FAM53A: variants seen among roughly 807,000 people sequenced by gnomAD.
FAM53A encodes protein FAM53A.
FAM53A carries 28 observed loss-of-function variants against 26.6 expected under a neutral mutation model. The observed-to-expected ratio is 1.05, with a 90% CI of 0.78 to 1.45. FAM53A has a LOEUF of 1.45. FAM53A is among the 40% of genes most tolerant of loss of function. FAM53A has a pLI of 0.00. For synonymous variants in FAM53A, 290 were observed against 253.1 expected (o/e 1.15, Z -1.38); for missense variants, 650 against 575.8 (o/e 1.13, Z -1.32).
At position 1,655,555 on chromosome 4, in the gene FAM53A, G is replaced by A. The variant is rs751285651; in HGVS notation, c.305C>T (p.Thr102Ile). Residue 102 changes from threonine (T) to isoleucine (I), a missense_variant, in exon 4 of 5, where the codon ACC becomes ATC. Physicochemically the swap from Thr to Ile is moderately conservative, Grantham distance 89 (BLOSUM62 -1). Coordinates refer to ENST00000308132, the MANE Select transcript of FAM53A (RefSeq NM_001174070.3). ...GCCTGTGCTTTCACTGGGGTCCACG[G>A]TGCTGGCTGCACCCAGGCCTGCGCC... ...RPGAGLGAAS[T>I]VDPSESTGSS... 1.7e-5 allele frequency: 27 copies of A among 1,575,074 alleles called. No homozygotes were observed. The highest frequency in any genetic ancestry group is 2.2e-5 in the Non-Finnish European group (26 of 1,160,250).
rs1711654209 is a variant in FAM53A, at chr4:1,641,111, C to G, written c.*182G>C. On this transcript the variant is annotated 3_prime_UTR_variant, in exon 5 of 5. Coordinates refer to ENST00000308132, the MANE Select transcript of FAM53A (RefSeq NM_001174070.3). ...GTGGCCCCGACCAGCTCACAGGAAA[C>G]CTACTCTGTGCCCCAGGGCAGGTGC... The G allele has an allele frequency of 3.3e-6, 2 of 597,684 alleles. No individual in the cohort carries two copies. Among genetic ancestry groups the G allele is most frequent in the Non-Finnish European group, 5.8e-6 (2 of 346,504 alleles). The allele number at this position is 597,684 out of a possible 1,614,324, so 37.0% of individuals were successfully genotyped here.
intron 4 of FAM53A, among the ~76,000 whole-genome samples, chr4:1,649,013 T>G (rs1165199409): frequency 2.0e-5 from 3 of 152,136 alleles, no homozygotes; most frequent in African/African-American, 7.2e-5. Flanking sequence ...CTTGGGAAGC[T>G]GACGCAGGAG....
the FAM53A span, among the ~76,000 whole-genome samples, chr4:1,579,774 C>CT: frequency 2.0e-5 from 3 of 152,152 alleles, no homozygotes; most frequent in Non-Finnish European, 2.9e-5. Flanking sequence ...AGTGTCCGCG[C>CT]TGTGGGGATA....
At chr4:1,658,474 C>T (rs978537190) in intron 2 of FAM53A, among the ~76,000 whole-genome samples, 4 of 152,256 alleles carry the variant, frequency 2.6e-5, no homozygotes, top group African/African-American at 9.6e-5. Context: ...ACCCAAGGGG[C>T]CCTTTCCCAC....
intron 2 of FAM53A, among the ~76,000 whole-genome samples, chr4:1,662,045 C>T (rs1713871860): frequency 6.6e-6 from 1 of 152,272 alleles, no homozygotes; most frequent in Middle Eastern, 3.4e-3. Context: ...AGAACTCTTA[C>T]TGGCCAGGTG....
chr4:1,608,043 C>T, the FAM53A span, among the ~76,000 whole-genome samples: 8 of 152,092 alleles, frequency 5.3e-5, 1 homozygote, highest in East Asian at 1.9e-4. Flanking sequence ...ACCCGGGAGG[C>T]GGAGGTCGCA....
Position 1,623,169 on chromosome 4 carries a change from A to AG in FAM53A, c.432-5059dup, listed in dbSNP as rs576070156. Among the ~76,000 whole-genome samples the AG allele has an allele frequency of 4.9e-4, 75 of 152,250 alleles. No homozygotes were observed. In the East Asian group the frequency reaches 0.012, roughly 24 times the overall value. On this transcript the variant is annotated intron_variant, in intron 1 of 1. Transcript: ENST00000489029. ...TCCAGCCCTCCAGCAGTCCACGGCC[A>AG]GGGCCCTGGCATGCCCGCTCCAGGA...
chr4:1,685,985 CCT>C (rs954542415), upstream of FAM53A, among the ~76,000 whole-genome samples: 12 of 152,224 alleles, frequency 7.9e-5, no homozygotes, highest in African/African-American at 2.4e-4. Flanking sequence ...TCTACCCACC[CCT>C]CTCAGCCATT....
chr4:1,576,272 A>C, the FAM53A span, among the ~76,000 whole-genome samples: 2 of 152,236 alleles, frequency 1.3e-5, no homozygotes, highest in Non-Finnish European at 2.9e-5. Flanking sequence ...TTACAAAAGC[A>C]AAACAGATCT....
At chr4:1,682,127 G>C (rs995993305) in intron 1 of FAM53A, among the ~76,000 whole-genome samples, 15 of 152,164 alleles carry the variant, frequency 9.9e-5, no homozygotes, top group Non-Finnish European at 1.9e-4. Context: ...ACACATGTGA[G>C]AGTTCCTGAG....
intron 1 of FAM53A, among the ~76,000 whole-genome samples, chr4:1,621,100 A>ATTTTTTT (rs1560106132): frequency 2.6e-5 from 2 of 77,262 alleles, no homozygotes; most frequent in African/African-American, 5.5e-5. Flanking sequence ...CAGCTACGCT[A>ATTTTTTT]CTTTTTTTTT....
At chr4:1,613,544 C>T (rs1008562718), downstream of FAM53A, among the ~76,000 whole-genome samples, 2 of 152,324 alleles carry the variant, frequency 1.3e-5, no homozygotes, top group African/African-American at 4.8e-5. Flanking sequence ...AATAAGCACA[C>T]GCAGGCACCA....
the FAM53A span, among the ~76,000 whole-genome samples, chr4:1,586,236 C>G: frequency 6.6e-6 from 1 of 151,884 alleles, no homozygotes; most frequent in African/African-American, 2.4e-5. Context: ...TCTTGTTGCC[C>G]AGGCTGGAGT....
At chr4:1,618,200 T>C (rs1487659175) in intron 1 of FAM53A, 10 of 454,970 alleles carry the variant, frequency 2.2e-5, no homozygotes, top group Non-Finnish European at 4.0e-5. Context: ...GCAGAGACAG[T>C]GAGGCTGGCC....
At chr4:1,590,458 C>T in the FAM53A span, among the ~76,000 whole-genome samples, 1 of 152,138 alleles carries the variant, frequency 6.6e-6, no homozygotes, top group African/African-American at 2.4e-5. Flanking sequence ...CACATGAAAA[C>T]TCTCACCCAG....
intron 1 of FAM53A, among the ~76,000 whole-genome samples, chr4:1,624,874 G>A (rs921959476): frequency 1.6e-4 from 24 of 152,192 alleles, no homozygotes; most frequent in Admixed American, 2.6e-4. Flanking sequence ...CCCGGCCCAC[G>A]TGGTCAGGGG....
At chr4:1,614,189 C>T (rs769679930), downstream of FAM53A, among the ~76,000 whole-genome samples, 15 of 152,116 alleles carry the variant, frequency 9.9e-5, no homozygotes, top group Non-Finnish European at 1.0e-4. Context: ...GCAGGCTGCG[C>T]GCAGCCCATC....
the FAM53A span, among the ~76,000 whole-genome samples, chr4:1,578,995 AC>A: frequency 1.3e-5 from 2 of 150,184 alleles, no homozygotes. Flanking sequence ...CGGCTGCGAC[AC>A]CCCTAGGCCC....
At chr4:1,580,788 A>T in the FAM53A span, among the ~76,000 whole-genome samples, 13 of 6,282 alleles carry the variant, frequency 2.1e-3, no homozygotes, top group African/African-American at 8.6e-3. Context: ...CCCGCCTCCC[A>T]CCCAGGCCCC....
Sources: gnomAD v4.1 joint callset for allele counts (sites outside exome capture counted in the v4.1 genomes callset) on GRCh38, gnomAD v4.1.1 for gene constraint, MANE v1.5 for transcripts, NCBI Gene and HGNC (gene_info 2026-07-23, HGNC 2026-07-21) for gene names.